The following RCAN2 variants were observed in gnomAD, a reference collection of about 807,000 sequenced individuals.
RCAN2 encodes regulator of calcineurin 2, also known as calcipressin-2.
A neutral mutation model predicts 23.6 loss-of-function variants in RCAN2; 9 were observed. The ratio of observed to expected loss-of-function variants is 0.38; its 90% CI spans 0.23 to 0.67. The LOEUF (loss-of-function observed/expected upper bound fraction) is 0.67. Ranked by LOEUF, RCAN2 falls within the 30% of genes least tolerant of loss-of-function variation. The pLI is 0.51. For synonymous variants in RCAN2, 109 were observed against 115.7 expected, an observed-to-expected ratio of 0.94 and a Z score of 0.37; for missense variants, 273 against 302.3, an observed-to-expected ratio of 0.90 and a Z score of 0.72.
intron 2 of RCAN2, among the ~76,000 whole-genome samples, chr6:46,328,737 A>G (rs1490019974): frequency 2.0e-5 from 3 of 152,148 alleles, no homozygotes; most frequent in Admixed American, 6.5e-5. Flanking sequence ...CAGCTTCCCT[A>G]GTAGCTGGGA....
At chr6:46,392,592 G>A (rs1172087192) in intron 2 of RCAN2, among the ~76,000 whole-genome samples, 1 of 152,142 alleles carries the variant, frequency 6.6e-6, no homozygotes, top group Non-Finnish European at 1.5e-5. Flanking sequence ...AATGTCTGGT[G>A]GGGGAAGGAT....
chr6:46,412,393 G>A (rs1423785717), intron 2 of RCAN2, among the ~76,000 whole-genome samples: 4 of 152,162 alleles, frequency 2.6e-5, no homozygotes, highest in African/African-American at 4.8e-5. Flanking sequence ...CTGGGGTATA[G>A]TTGAGACTAG....
chr6:46,443,384 C>A (rs1304409103), intron 2 of RCAN2, among the ~76,000 whole-genome samples: 1 of 152,072 alleles, frequency 6.6e-6, no homozygotes, highest in Admixed American at 6.5e-5. Flanking sequence ...AATTTTCCAA[C>A]CAGCCTTAAT....
In RCAN2 at chr6:46,223,215, C is replaced by T; in HGVS notation, c.658G>A (p.Asp220Asn). The change falls in exon 5 of 5, where the codon GAC becomes AAC. Residue 220 changes from aspartate (D) to asparagine (N), a missense_variant. Physicochemically the swap from Asp to Asn is conservative, Grantham distance 23 (BLOSUM62 1). Transcript: ENST00000371374. ...VCDSDIEEEE[D>N]PKTSPKPKII... ...TTTGGCTTTGGGGAAGTCTTTGGGTCCTCTTCTTCCTCTATGTCACTGTCG... is the reference window on the plus strand; with the variant it reads ...TTTGGCTTTGGGGAAGTCTTTGGGTTCTCTTCTTCCTCTATGTCACTGTCG... The T allele has an allele frequency of 5.0e-6, 8 of 1,613,926 alleles. No individual in the cohort carries two copies. The highest frequency in any genetic ancestry group is 6.8e-6 in the Non-Finnish European group (8 of 1,179,964).
At chr6:46,317,171 A>G (rs925267547) in intron 2 of RCAN2, among the ~76,000 whole-genome samples, 1 of 152,186 alleles carries the variant, frequency 6.6e-6, no homozygotes. Context: ...AAACCCTTGC[A>G]TTTTCCAGAA....
chr6:46,222,944 G>T lies in RCAN2; in HGVS notation c.*197C>A. The T allele has an allele frequency of 1.7e-6, 1 of 600,060 alleles. No individual in the cohort carries two copies. The allele number at this position is 600,060 out of a possible 1,614,324, so 37.2% of individuals were successfully genotyped here. A position where few individuals can be genotyped will look rare whatever the true frequency, so the allele number is the denominator to read the frequency against. On this transcript the variant is annotated 3_prime_UTR_variant, in exon 5 of 5. Transcript: ENST00000371374. ...TTCCCTAGAACCTTCTAAATAATGG[G>T]TTATACTTAATGGGTATGATATGAT...
intron 2 of RCAN2, among the ~76,000 whole-genome samples, chr6:46,330,143 G>A (rs1038362545): frequency 6.6e-6 from 1 of 152,178 alleles, no homozygotes; most frequent in African/African-American, 2.4e-5. Context: ...CCACCCAGGT[G>A]CAAGAATAAT....
At chr6:46,271,677 C>CTTGGGG (rs1489896875) in intron 2 of RCAN2, among the ~76,000 whole-genome samples, 1 of 152,206 alleles carries the variant, frequency 6.6e-6, no homozygotes, top group Admixed American at 6.5e-5. Flanking sequence ...TTGCAAAGCA[C>CTTGGGG]TTGGCACATG....
At chr6:46,243,274 A>G (rs1432534672) in intron 4 of RCAN2, among the ~76,000 whole-genome samples, 1 of 152,200 alleles carries the variant, frequency 6.6e-6, no homozygotes, top group Admixed American at 6.5e-5. Flanking sequence ...AAGGACATAG[A>G]AAAGGGATAA....
chr6:46,429,416 C>T (rs566816508), intron 2 of RCAN2, among the ~76,000 whole-genome samples: 1 of 152,140 alleles, frequency 6.6e-6, no homozygotes, highest in African/African-American at 2.4e-5. Context: ...TTTTACCTTG[C>T]ACATTTGCTG....
intron 2 of RCAN2, among the ~76,000 whole-genome samples, chr6:46,289,771 T>A (rs1462118651): frequency 6.6e-6 from 1 of 152,192 alleles, no homozygotes; most frequent in African/African-American, 2.4e-5. Flanking sequence ...CCTGCATCAA[T>A]TCTTCCTTTG....
intron 2 of RCAN2, among the ~76,000 whole-genome samples, chr6:46,307,433 A>G (rs79020818): frequency 0.01 from 1,569 of 152,210 alleles, 27 homozygotes; most frequent in African/African-American, 0.035. Flanking sequence ...TGAAGAGTGT[A>G]TGTGAGGGGA....
chr6:46,466,585 T>C (rs917653106), intron 1 of RCAN2, among the ~76,000 whole-genome samples: 1 of 152,252 alleles, frequency 6.6e-6, no homozygotes, highest in Admixed American at 6.5e-5. Flanking sequence ...GCAGACAGTA[T>C]GCTATTTTTT....
chr6:46,344,030 T>C (rs1298117815), intron 2 of RCAN2, among the ~76,000 whole-genome samples: 1 of 152,188 alleles, frequency 6.6e-6, no homozygotes, highest in Non-Finnish European at 1.5e-5. Flanking sequence ...AGTAAAATAA[T>C]GGTTGCCTGG....
chr6:46,393,286 T>C (rs1038021144), intron 2 of RCAN2, among the ~76,000 whole-genome samples: 4 of 152,180 alleles, frequency 2.6e-5, no homozygotes, highest in Non-Finnish European at 4.4e-5. Flanking sequence ...AAACTAACTA[T>C]GGGCAAATTA....
chr6:46,473,478 C>T (rs1367057809), intron 1 of RCAN2, among the ~76,000 whole-genome samples: 1 of 152,034 alleles, frequency 6.6e-6, no homozygotes, highest in Non-Finnish European at 1.5e-5. Flanking sequence ...TAAACTATTA[C>T]CTATAAATCA....
intron 2 of RCAN2, among the ~76,000 whole-genome samples, chr6:46,350,858 G>A (rs1041193225): frequency 6.6e-6 from 1 of 152,098 alleles, no homozygotes; most frequent in Non-Finnish European, 1.5e-5. Flanking sequence ...CAGTAGAACT[G>A]GGAGTCAAAC....
At chr6:46,339,938 C>G (rs1044051726) in intron 2 of RCAN2, among the ~76,000 whole-genome samples, 2 of 152,068 alleles carry the variant, frequency 1.3e-5, no homozygotes, top group African/African-American at 4.8e-5. Flanking sequence ...ATGACTTTCA[C>G]ATACATAATG....
intron 2 of RCAN2, among the ~76,000 whole-genome samples, chr6:46,371,194 C>T (rs1351732969): frequency 6.6e-6 from 1 of 152,110 alleles, no homozygotes; most frequent in African/African-American, 2.4e-5. Flanking sequence ...CCAGCCTTTC[C>T]CCCCAGATTT....
Sources: gnomAD v4.1 joint callset for allele counts (sites outside exome capture counted in the v4.1 genomes callset) on GRCh38, gnomAD v4.1.1 for gene constraint, MANE v1.5 for transcripts, NCBI Gene and HGNC (gene_info 2026-07-23, HGNC 2026-07-21) for gene names.